The following CTNS variants were observed in gnomAD, a reference collection of about 807,000 sequenced individuals.
The protein encoded by CTNS is cystinosin.
A neutral mutation model predicts 43.7 loss-of-function variants in CTNS; 27 were observed. The observed-to-expected ratio is 0.62, with a 90% CI of 0.46 to 0.85. CTNS has a LOEUF of 0.85. Among genes scored for constraint, CTNS ranks in the 40% least tolerant of loss-of-function variants. The probability of loss-of-function intolerance (pLI) is 0.00; values close to 1 mark genes in which losing one functional copy is unlikely to be tolerated. For synonymous variants in CTNS, 187 were observed against 190.6 expected (o/e 0.98, Z 0.16); for missense variants, 457 against 475.4 (o/e 0.96, Z 0.36).
chr17:3,654,358 C>T (rs543188940), intron 5 of CTNS, among the ~76,000 whole-genome samples: 49 of 152,286 alleles, frequency 3.2e-4, no homozygotes, highest in Admixed American at 2.8e-3. Flanking sequence ...GGCATGAGGA[C>T]AAGTCCATAG....
chr17:3,659,959 C>G lies in CTNS; in HGVS notation c.954C>G (p.Leu318=). The G allele has an allele frequency of 6.2e-7, 1 of 1,613,502 alleles. No homozygotes were observed. ...GGSFSLLQMF[L]QSYNNDQWTL... ...GCTTCAGCCTCCTGCAGATGTTCCT[C>G]CAGTCCTACAACAACGGTGAGTCAG... The change falls in exon 11 of 12, where the codon CTC becomes CTG. Residue 318 remains leucine (L), a synonymous_variant. Transcript: ENST00000046640.
Position 3,640,339 on chromosome 17 carries a change from GT to G in CTNS, c.61+75del. 2.7e-6 allele frequency: 4 copies of G among 1,461,692 alleles called. No individual in the cohort carries two copies. The Middle Eastern group carries it at 5.2e-4, about 190-fold the overall frequency. The allele number at this position is 1,461,692 out of a possible 1,614,324, so 90.5% of individuals were successfully genotyped here. A position where few individuals can be genotyped will look rare whatever the true frequency, so the allele number is the denominator to read the frequency against. On this transcript the variant is annotated intron_variant, in intron 3 of 11. Transcript: ENST00000046640. ...GCTAGAGGAAGGAGTAATCTGATCTGTTTGTTGCCAAGGGTTTAGAATCATT... is the reference window on the plus strand; with the variant it reads ...GCTAGAGGAAGGAGTAATCTGATCTGTTGTTGCCAAGGGTTTAGAATCATT...
chr17:3,659,050 C>T (rs757046442), intron 10 of CTNS, among the ~76,000 whole-genome samples: 33 of 151,948 alleles, frequency 2.2e-4, no homozygotes, highest in Non-Finnish European at 4.6e-4. Context: ...GCCAAGAAAC[C>T]GGGGATGGAG....
At chr17:3,655,638 C>T (rs1567710395) in intron 7 of CTNS, 5 of 443,746 alleles carry the variant, frequency 1.1e-5, no homozygotes, top group East Asian at 9.6e-5. Context: ...GGCAGTCCAT[C>T]GTGAATCTCC....
At chr17:3,657,769 GAGA>G (rs1349812426) in intron 9 of CTNS, 12 of 583,974 alleles carry the variant, frequency 2.1e-5, no homozygotes, top group African/African-American at 1.1e-4. Flanking sequence ...CCCTGGCGAT[GAGA>G]AGGTGTGGTT....
At chr17:3,649,212 G>A (rs890248519) in intron 5 of CTNS, among the ~76,000 whole-genome samples, 2 of 152,160 alleles carry the variant, frequency 1.3e-5, no homozygotes, top group African/African-American at 4.8e-5. Flanking sequence ...ACTCTGGGAG[G>A]CCAAGGTGAG....
intron 4 of CTNS, among the ~76,000 whole-genome samples, chr17:3,648,284 C>T (rs879815993): frequency 2.6e-5 from 4 of 152,352 alleles, no homozygotes; most frequent in East Asian, 1.9e-4. Context: ...GCAAATCTTA[C>T]AAGTCATCTC....
Position 3,661,019 on chromosome 17 carries a change from C to T in CTNS, c.*650C>T. The T allele has an allele frequency of 2.0e-6, 1 of 490,144 alleles. No homozygotes were observed. Among genetic ancestry groups the T allele is most frequent in the Non-Finnish European group, 3.7e-6 (1 of 268,102 alleles). The allele number at this position is 490,144 out of a possible 1,614,324, so 30.4% of individuals were successfully genotyped here. A position where few individuals can be genotyped will look rare whatever the true frequency, so the allele number is the denominator to read the frequency against. On this transcript the variant is annotated 3_prime_UTR_variant, in exon 12 of 12. Coordinates refer to ENST00000046640, the MANE Select transcript of CTNS (RefSeq NM_004937.3). ...ATTGGATTCATGCCCAGCGCATTAGCATAGTAACTCCTTTCAGATTTTTTG... is the reference window on the plus strand; with the variant it reads ...ATTGGATTCATGCCCAGCGCATTAGTATAGTAACTCCTTTCAGATTTTTTG...
chr17:3,638,141 G>A (rs752204102), intron 2 of CTNS, among the ~76,000 whole-genome samples: 12 of 152,222 alleles, frequency 7.9e-5, no homozygotes, highest in Middle Eastern at 3.4e-3. Flanking sequence ...GGAAGGGCAC[G>A]CCAGACAGAG....
chr17:3,655,951 A>C, intron 7 of CTNS: 2 of 270,902 alleles, frequency 7.4e-6, no homozygotes, highest in Non-Finnish European at 1.5e-5. Context: ...CCGTGGTGGT[A>C]GCAGGAGGGA....
intron 9 of CTNS, chr17:3,657,032 G>A: frequency 1.7e-6 from 1 of 584,892 alleles, no homozygotes; most frequent in Non-Finnish European, 3.0e-6. Context: ...GTGCACAGAG[G>A]AGCACAGACA....
chr17:3,640,713 C>T (rs111701878), intron 3 of CTNS, among the ~76,000 whole-genome samples: 4 of 152,266 alleles, frequency 2.6e-5, no homozygotes, highest in African/African-American at 4.8e-5. Context: ...ACCTGGGCAA[C>T]GTAGTGAAAC....
chr17:3,651,847 G>A (rs1230743401), intron 5 of CTNS, among the ~76,000 whole-genome samples: 7 of 151,624 alleles, frequency 4.6e-5, no homozygotes, highest in Non-Finnish European at 7.4e-5. Context: ...AGTGGTGTGC[G>A]CCTATAATCC....
intron 11 of CTNS, 60 bp from the exon 12 acceptor site, chr17:3,660,176 C>T (rs1476840701): frequency 6.2e-6 from 10 of 1,611,546 alleles, no homozygotes; most frequent in South Asian, 2.2e-5. Context: ...ACCCCACAAG[C>T]TCCAGCTGCC....
chr17:3,656,911 C>T (rs2076162975), intron 9 of CTNS, 116 bp downstream of exon 9: 1 of 1,521,600 alleles, frequency 6.6e-7, no homozygotes, highest in Non-Finnish European at 8.9e-7. Flanking sequence ...TTCATTCATC[C>T]AGGTCCTGTG....
chr17:3,654,491 T>C (rs913350906), intron 5 of CTNS, among the ~76,000 whole-genome samples: 1 of 151,214 alleles, frequency 6.6e-6, no homozygotes, highest in Admixed American at 6.6e-5. Context: ...CTGGCCAACA[T>C]AGTGAAAGTC....
rs1011531903 is a variant in CTNS, at chr17:3,661,919, A to G, written c.*1550A>G. On this transcript the variant is annotated 3_prime_UTR_variant, in exon 12 of 12. Transcript: ENST00000046640. ...ATGTCAGGTCTTGTTTCTGCAGAGCAGACTTTGGCCTGACGGGGTCCACAG... is the reference window on the plus strand; with the variant it reads ...ATGTCAGGTCTTGTTTCTGCAGAGCGGACTTTGGCCTGACGGGGTCCACAG... Among the ~76,000 whole-genome samples the G allele has an allele frequency of 6.6e-6, 1 of 152,222 alleles. No homozygotes were observed. The highest frequency in any genetic ancestry group is 1.9e-4 in the East Asian group (1 of 5,200).
At chr17:3,638,913 C>A (rs1010014415) in intron 2 of CTNS, among the ~76,000 whole-genome samples, 2 of 152,130 alleles carry the variant, frequency 1.3e-5, no homozygotes, top group African/African-American at 2.4e-5. Context: ...AGAGTAGGTA[C>A]GGGGTCATTC....
intron 2 of CTNS, 152 bp from the exon 3 acceptor site, chr17:3,640,036 C>T: frequency 5.8e-6 from 4 of 692,332 alleles, no homozygotes; most frequent in South Asian, 4.6e-5. Context: ...TCTAGGGTGT[C>T]CCTCTGAGGC....
Sources: allele counts gnomAD v4.1 joint callset (sites outside exome capture counted in the v4.1 genomes callset), GRCh38; gene constraint gnomAD v4.1.1; transcripts MANE v1.5; gene names NCBI Gene and HGNC (gene_info 2026-07-23, HGNC 2026-07-21).